Variants in NAV2 observed in about 807,000 individuals in gnomAD.
NAV2 encodes helicase, APC down-regulated 1.
Under a neutral mutation model 223.2 loss-of-function variants are expected in NAV2, and 54 were observed. The ratio of observed to expected loss-of-function variants is 0.24; its 90% CI spans 0.19 to 0.30. The LOEUF (loss-of-function observed/expected upper bound fraction) is 0.30. Ranked by LOEUF, NAV2 falls within the 10% of genes least tolerant of loss-of-function variation. NAV2 has a pLI of 1.00. For missense variants in NAV2, 2,806 were observed against 3,147.5 expected (o/e 0.89, Z 2.60); for synonymous variants, 1,279 against 1,239.3 (o/e 1.03, Z -0.67).
intron 19 of NAV2, among the ~76,000 whole-genome samples, chr11:20,060,594 A>G (rs1326334625): frequency 6.6e-6 from 1 of 152,224 alleles, no homozygotes; most frequent in Non-Finnish European, 1.5e-5. Flanking sequence ...GGGAGCTGCT[A>G]AGAGAGAAGA....
rs561629509 is a variant in NAV2 at position 19,997,099 on chromosome 11, A to C, written c.2768+12852A>C. ...GTTGCCTGGACATTGCTTGTGGGCA[A>C]CCTATGAGTATGCAGTAATTGAAGC... On this transcript the variant is annotated intron_variant, in intron 11 of 37. Coordinates refer to ENST00000349880, the MANE Select transcript of NAV2 (RefSeq NM_145117.5). Among the ~76,000 whole-genome samples the C allele has an allele frequency of 2.9e-4, 44 of 152,338 alleles. 2 individuals are homozygous for C. The South Asian group carries it at 8.7e-3, about 30-fold the overall frequency.
At chr11:19,456,906 A>G (rs980736753) in intron 1 of NAV2, among the ~76,000 whole-genome samples, 11 of 152,196 alleles carry the variant, frequency 7.2e-5, no homozygotes, top group African/African-American at 2.2e-4. Flanking sequence ...AGATGAACCC[A>G]AATCCCTTCA....
Position 20,045,302 on chromosome 11 carries a change from G to T in NAV2, c.3534G>T (p.Gly1178=), listed in dbSNP as rs146342744. Residue 1178 remains glycine (G), a synonymous_variant, in exon 14 of 38, where the codon GGG becomes GGT. Coordinates refer to ENST00000349880, the MANE Select transcript of NAV2 (RefSeq NM_145117.5). ...SMDGAQNQDD[G]YLALSSRTNL... Reference sequence around the variant, plus strand: ...ATGGGGCTCAGAATCAGGATGACGGGTATCTAGCCCTAAGCTCCCGGACAA... The same window carrying T: ...ATGGGGCTCAGAATCAGGATGACGGTTATCTAGCCCTAAGCTCCCGGACAA... The T allele has an allele frequency of 6.9e-5, 112 of 1,614,066 alleles. No homozygotes were observed. The African/African-American group carries it at 1.3e-3, about 19-fold the overall frequency.
At chr11:19,526,055 C>T (rs1590410125) in intron 1 of NAV2, among the ~76,000 whole-genome samples, 1 of 152,150 alleles carries the variant, frequency 6.6e-6, no homozygotes, top group African/African-American at 2.4e-5. Context: ...AGGTTTCCTT[C>T]TCTTTCAGCA....
At chr11:19,762,935 A>G (rs1231265410) in intron 1 of NAV2, among the ~76,000 whole-genome samples, 2 of 152,020 alleles carry the variant, frequency 1.3e-5, no homozygotes, top group Non-Finnish European at 2.9e-5. Flanking sequence ...TTATTCCTTA[A>G]CATCAATCTA....
intron 1 of NAV2, among the ~76,000 whole-genome samples, chr11:19,655,106 G>T (rs1282915555): frequency 2.0e-5 from 3 of 152,168 alleles, no homozygotes; most frequent in Non-Finnish European, 4.4e-5. Context: ...CTTCTCAAAA[G>T]AAGACATTTA....
chr11:19,521,871 A>C (rs1227672391), intron 1 of NAV2, among the ~76,000 whole-genome samples: 1 of 152,170 alleles, frequency 6.6e-6, no homozygotes, highest in East Asian at 1.9e-4. Context: ...ACTATCATTC[A>C]ATCACTTTTG....
chr11:19,375,948 G>C (rs1358354691), intron 1 of NAV2, among the ~76,000 whole-genome samples: 2 of 152,172 alleles, frequency 1.3e-5, no homozygotes, highest in Non-Finnish European at 2.9e-5. Context: ...GATTTTGAAA[G>C]AGACTAGGCA....
At chr11:19,862,472 A>C (rs1188338310) in intron 3 of NAV2, among the ~76,000 whole-genome samples, 1 of 152,228 alleles carries the variant, frequency 6.6e-6, no homozygotes, top group Admixed American at 6.5e-5. Context: ...AAGCTGGGAC[A>C]GAGTCACGGA....
chr11:19,980,252 C>T (rs1039832063), intron 10 of NAV2, among the ~76,000 whole-genome samples: 2 of 152,142 alleles, frequency 1.3e-5, no homozygotes, highest in Admixed American at 1.3e-4. Context: ...TGCGGAGAGC[C>T]GCCTCCACCC....
intron 1 of NAV2, among the ~76,000 whole-genome samples, chr11:19,657,100 C>G (rs1411337004): frequency 6.6e-6 from 1 of 152,100 alleles, no homozygotes; most frequent in Non-Finnish European, 1.5e-5. Context: ...TCTACAGATT[C>G]AGAGCTGAGG....
chr11:19,874,053 C>T (rs1443302859), intron 4 of NAV2, among the ~76,000 whole-genome samples: 1 of 152,168 alleles, frequency 6.6e-6, no homozygotes, highest in Non-Finnish European at 1.5e-5. Flanking sequence ...ATCCCTTATA[C>T]CCTACAAAGC....
At chr11:19,638,166 T>C (rs2047557180) in intron 1 of NAV2, among the ~76,000 whole-genome samples, 2 of 152,186 alleles carry the variant, frequency 1.3e-5, no homozygotes, top group African/African-American at 4.8e-5. Context: ...ATGATCCTAC[T>C]TCCTGGGCCC....
At chr11:19,346,286 T>C (rs750665612), upstream of NAV2, among the ~76,000 whole-genome samples, 30 of 152,240 alleles carry the variant, frequency 2.0e-4, no homozygotes, top group Non-Finnish European at 4.0e-4. Context: ...TGTCGGTCTG[T>C]GCCTCTTTGC....
chr11:19,440,335 G>C (rs1247960854), intron 1 of NAV2, among the ~76,000 whole-genome samples: 1 of 152,164 alleles, frequency 6.6e-6, no homozygotes, highest in Non-Finnish European at 1.5e-5. Context: ...GGACAGGGAA[G>C]GCATCCTGAA....
At chr11:20,026,345 C>CT (rs1449462872) in intron 11 of NAV2, among the ~76,000 whole-genome samples, 3 of 151,910 alleles carry the variant, frequency 2.0e-5, no homozygotes, top group African/African-American at 7.3e-5. Flanking sequence ...GAGTCTCACT[C>CT]TGTCACCCAG....
intron 1 of NAV2, among the ~76,000 whole-genome samples, chr11:19,616,335 T>TGTGTGTGCGC (rs1159006427): frequency 5.4e-5 from 8 of 148,406 alleles, no homozygotes; most frequent in African/African-American, 2.0e-4. Context: ...TGTGTGTGTG[T>TGTGTGTGCGC]GCGCGCGCAT....
chr11:20,022,452 C>T, intron 11 of NAV2: 5 of 689,190 alleles, frequency 7.3e-6, no homozygotes, highest in Non-Finnish European at 7.1e-6. Context: ...TTTGTTGGCA[C>T]TGCATCAAAA....
intron 14 of NAV2, among the ~76,000 whole-genome samples, chr11:20,047,648 A>T (rs1037788188): frequency 6.6e-6 from 1 of 152,210 alleles, no homozygotes; most frequent in Non-Finnish European, 1.5e-5. Flanking sequence ...AGGATATTTC[A>T]TTCCCTGTTG....
Sources: gnomAD v4.1 joint callset for allele counts (sites outside exome capture counted in the v4.1 genomes callset) on GRCh38, gnomAD v4.1.1 for gene constraint, MANE v1.5 for transcripts, NCBI Gene and HGNC (gene_info 2026-07-23, HGNC 2026-07-21) for gene names.